The following SMARCA2 variants were observed in gnomAD, a reference collection of about 807,000 sequenced individuals.
SMARCA2 encodes SWI/SNF-related matrix-associated actin-dependent regulator of chromatin subfamily A member 2.
A neutral mutation model predicts 199.8 loss-of-function variants in SMARCA2; 61 were observed. The ratio of observed to expected loss-of-function variants is 0.31; its 90% CI spans 0.25 to 0.38. SMARCA2 has a LOEUF of 0.38. Among genes scored for constraint, SMARCA2 ranks in the 10% least tolerant of loss-of-function variants. SMARCA2 has a pLI of 1.00. For missense variants in SMARCA2, 1,344 were observed against 2,012.2 expected (o/e 0.67, Z 6.35); for synonymous variants, 935 against 732.0 (o/e 1.28, Z -4.48).
chr9:2,160,864 G>C (rs774906090), intron 27 of SMARCA2: 1 of 327,974 alleles, frequency 3.0e-6, no homozygotes, highest in Non-Finnish European at 5.3e-6. Flanking sequence ...TTCTTCTTTT[G>C]AGTTTTGAGA....
At chr9:2,124,120 A>G (rs140862845) in intron 27 of SMARCA2, among the ~76,000 whole-genome samples, 183 bp downstream of exon 27, 1 of 152,352 alleles carries the variant, frequency 6.6e-6, no homozygotes, top group East Asian at 1.9e-4. Context: ...TGTTGCATGA[A>G]AAGATAAAGG....
chr9:2,100,521 G>A (rs1822464116), intron 21 of SMARCA2, among the ~76,000 whole-genome samples: 2 of 152,084 alleles, frequency 1.3e-5, no homozygotes, highest in African/African-American at 4.8e-5. Flanking sequence ...GGCCAATGTG[G>A]CGAAACCCTG....
chr9:2,064,507 C>T (rs7035608), intron 9 of SMARCA2, among the ~76,000 whole-genome samples: 22,236 of 152,120 alleles, frequency 0.15, 2,633 homozygotes, highest in African/African-American at 0.33. Context: ...AATTATAATA[C>T]GGTTATGTTT....
At chr9:2,031,163 T>C (rs1022541039) in intron 2 of SMARCA2, among the ~76,000 whole-genome samples, 4 of 152,214 alleles carry the variant, frequency 2.6e-5, no homozygotes, top group African/African-American at 7.2e-5. Context: ...ACTTTCTTTT[T>C]TCATTTAACA....
rs114750640 is a variant in SMARCA2, at chr9:2,147,274, A to T, written c.3982-14412A>T. Among the ~76,000 whole-genome samples, 1,168 of 150,108 alleles carry T rather than the reference A, an allele frequency of 7.8e-3. 10 individuals are homozygous for T. The highest frequency in any genetic ancestry group is 0.027 in the African/African-American group (1,116 of 40,852). On this transcript the variant is annotated intron_variant, in intron 27 of 33. Coordinates refer to ENST00000349721, the MANE Select transcript of SMARCA2 (RefSeq NM_003070.5). ...AAAAAAAAAAAAGCAAGGTACTATG[A>T]CCTTCTTTATGACCCCCATTCCAAA...
intron 29 of SMARCA2, among the ~76,000 whole-genome samples, chr9:2,178,018 G>GGAA (rs1171765936): frequency 6.8e-6 from 1 of 146,908 alleles, no homozygotes; most frequent in East Asian, 2.0e-4. Flanking sequence ...GAGGTAATGA[G>GGAA]GAAAAAAAAA....
Position 2,047,215 on chromosome 9 carries a change from C to G in SMARCA2, c.791-14C>G. 5 of 1,011,816 alleles carry G rather than the reference C, an allele frequency of 4.9e-6. No individual in the cohort carries two copies. The highest frequency in any genetic ancestry group is 5.9e-6 in the Non-Finnish European group (5 of 847,546). 62.7% of individuals were successfully genotyped at this position (1,011,816 alleles called of 1,614,324 possible). ...CGTCCCGCCCGAGCTGCCCATGTCGCTCTTGTCCCGCAGGCCCGGGGCCGG... is the reference window on the plus strand; with the variant it reads ...CGTCCCGCCCGAGCTGCCCATGTCGGTCTTGTCCCGCAGGCCCGGGGCCGG... On this transcript the variant is annotated splice_polypyrimidine_tract_variant and intron_variant, in intron 4 of 33. Coordinates refer to ENST00000349721, the MANE Select transcript of SMARCA2 (RefSeq NM_003070.5).
At chr9:2,107,214 A>T (rs1166742627) in intron 23 of SMARCA2, among the ~76,000 whole-genome samples, 1 of 152,262 alleles carries the variant, frequency 6.6e-6, no homozygotes. Flanking sequence ...TTTCTAGCAA[A>T]TTGCAAACCT....
intron 9 of SMARCA2, among the ~76,000 whole-genome samples, chr9:2,066,880 C>G (rs1820861875): frequency 6.6e-6 from 1 of 152,194 alleles, no homozygotes; most frequent in Non-Finnish European, 1.5e-5. Context: ...AAACAGTAGA[C>G]CAATCACAAA....
chr9:2,177,185 C>T (rs1007207892), intron 29 of SMARCA2, among the ~76,000 whole-genome samples: 7 of 152,198 alleles, frequency 4.6e-5, no homozygotes, highest in African/African-American at 1.7e-4. Context: ...GCACACTTCA[C>T]CTACTGCCCT....
Position 2,104,221 on chromosome 9 carries a change from A to T in SMARCA2, c.3292+52A>T. 1 of 1,510,150 alleles carries T rather than the reference A, an allele frequency of 6.6e-7. No homozygotes were observed. The highest frequency in any genetic ancestry group is 1.2e-5 in the South Asian group (1 of 85,032). The allele number at this position is 1,510,150 out of a possible 1,614,324, so 93.5% of individuals were successfully genotyped here. Reference sequence around the variant, plus strand: ...AAGCCATACTACTGAAAATGAAGGGATAATGGGCACTTAGGTCCAATCTCA... The same window carrying T: ...AAGCCATACTACTGAAAATGAAGGGTTAATGGGCACTTAGGTCCAATCTCA... On this transcript the variant is annotated intron_variant, in intron 23 of 33. Transcript: ENST00000349721. This position sits in a 1 kb window ranked among gnomAD's most constrained non-coding sequence, Gnocchi z 4.0.
chr9:2,033,634 C>G (rs1819171604), intron 3 of SMARCA2, among the ~76,000 whole-genome samples: 1 of 152,204 alleles, frequency 6.6e-6, no homozygotes, highest in Admixed American at 6.5e-5. Context: ...TAGCAAATTA[C>G]CACAAACAGA....
rs142595085 is a variant in SMARCA2, at chr9:2,170,902, C to G, written c.4253+430C>G. ...TGATCTCCTGCGAGACATGAAGAAG[C>G]GTGCATGTTCACGCTGTGTCTGCAT... On this transcript the variant is annotated intron_variant, in intron 29 of 33. Coordinates refer to ENST00000349721, the MANE Select transcript of SMARCA2 (RefSeq NM_003070.5). The surrounding 1 kb of genome is among the most constrained non-coding windows in gnomAD (Gnocchi z 4.7). Among the ~76,000 whole-genome samples, 7 of 152,318 alleles carry G rather than the reference C, an allele frequency of 4.6e-5. No homozygotes were observed. The highest frequency in any genetic ancestry group is 3.9e-4 in the Admixed American group (6 of 15,304).
chr9:2,132,495 G>A (rs117645647), intron 27 of SMARCA2, among the ~76,000 whole-genome samples: 1 of 152,146 alleles, frequency 6.6e-6, no homozygotes, highest in Admixed American at 6.5e-5. Context: ...TGTGCATCAT[G>A]TTTGTAATAT....
chr9:2,138,678 A>G (rs1007596988), intron 27 of SMARCA2, among the ~76,000 whole-genome samples: 2 of 152,214 alleles, frequency 1.3e-5, no homozygotes, highest in Non-Finnish European at 2.9e-5. Flanking sequence ...TTGCTCTGCA[A>G]CATCTTGGAT....
At position 2,170,461 on chromosome 9, in the gene SMARCA2, A is replaced by G; in HGVS notation, c.4242A>G (p.Ile1414Met). 1.2e-6 allele frequency: 2 copies of G among 1,614,168 alleles called. No individual in the cohort carries two copies. The highest frequency in any genetic ancestry group is 1.7e-6 in the Non-Finnish European group (2 of 1,180,000). Residue 1414 changes from isoleucine to methionine, a missense_variant, in exon 29 of 34, where the codon ATA becomes ATG. By Grantham distance (10) the Ile-to-Met change is conservative (BLOSUM62 1). This residue lies in a region of SMARCA2 where 151 missense variants were observed against 154.0 expected (regional missense o/e 0.98). Coordinates refer to ENST00000349721, the MANE Select transcript of SMARCA2 (RefSeq NM_003070.5). The surrounding 1 kb of genome is among the most constrained non-coding windows in gnomAD (Gnocchi z 4.7). Reference protein sequence around the residue: ...EKVPSNSQLEIEGNSSGRQLS... With the variant: ...EKVPSNSQLEMEGNSSGRQLS... ...TGCCCAGTAATTCTCAGTTGGAAAT[A>G]GAAGGAAACAGGTCAGGATCTGTCT...
chr9:2,161,702 A>G lies in SMARCA2; in HGVS notation c.3998A>G (p.Asn1333Ser), dbSNP rs1825685893. The G allele has an allele frequency of 3.1e-6, 5 of 1,613,698 alleles. No homozygotes were observed. The highest frequency in any genetic ancestry group is 3.4e-6 in the Non-Finnish European group (4 of 1,179,758). Residue 1333 changes from asparagine (N) to serine (S), a missense_variant, in exon 28 of 34, where the codon AAT becomes AGT. Around this residue, in one of 18 missense-constraint regions of SMARCA2, gnomAD observed 16 missense variants for 29.7 expected, o/e 0.54. Transcript: ENST00000349721. The surrounding 1 kb of genome is among the most constrained non-coding windows in gnomAD (Gnocchi z 4.7). ...KQWLRAIEDG[N>S]LEEMEEEVRL... is the part of the protein sequence containing the mutation. ...AACGAACAGGCCATCGAAGACGGCA[A>G]TTTGGAGGAAATGGAAGAGGAAGTA...
rs148086416 is a variant in SMARCA2 at position 2,032,957 on chromosome 9, C to T, written c.231C>T (p.Ile77=). Residue 77 remains isoleucine (I), a synonymous_variant, in exon 3 of 34, where the codon ATC becomes ATT. Transcript: ENST00000349721. The part of the protein sequence containing the change: ...QEGMHQMHKP[I]DGIHDKGIVE... ...ATGTCCTTTAAATGTTTCAGCCCATCGATGGTATACATGACAAGGGGATTG... is the reference window on the plus strand; with the variant it reads ...ATGTCCTTTAAATGTTTCAGCCCATTGATGGTATACATGACAAGGGGATTG... The T allele has an allele frequency of 4.2e-4, 681 of 1,613,496 alleles. 7 individuals are homozygous for T. In the Admixed American group the frequency reaches 9.4e-3, roughly 22 times the overall value.
At chr9:2,112,090 G>C (rs1225114523) in intron 24 of SMARCA2, among the ~76,000 whole-genome samples, 1 of 152,186 alleles carries the variant, frequency 6.6e-6, no homozygotes, top group African/African-American at 2.4e-5. Context: ...GAGATCTGCA[G>C]TTTTTCTTTT....
Sources: allele counts gnomAD v4.1 joint callset (sites outside exome capture counted in the v4.1 genomes callset), GRCh38; gene constraint gnomAD v4.1.1; regional missense constraint gnomAD v4.1.1; non-coding constraint Gnocchi (gnomAD v3.1); transcripts MANE v1.5; gene names NCBI Gene and HGNC (gene_info 2026-07-23, HGNC 2026-07-21).